The following DLG2 variants were observed in gnomAD, a reference collection of about 807,000 sequenced individuals.
DLG2 encodes discs large MAGUK scaffold protein 2, also known as disks large homolog 2.
In DLG2, 45 loss-of-function variants were observed where a neutral mutation model predicts 132.5. That is an observed-to-expected ratio of 0.34 (90% confidence interval 0.27 to 0.44). The LOEUF (loss-of-function observed/expected upper bound fraction) is 0.44. Ranked by LOEUF, DLG2 falls within the 20% of genes least tolerant of loss-of-function variation. The probability of loss-of-function intolerance (pLI) is 1.00; values close to 1 mark genes in which losing one functional copy is unlikely to be tolerated. For synonymous variants in DLG2, 424 were observed against 419.6 expected (o/e 1.01, Z -0.13); for missense variants, 1,045 against 1,196.9 (o/e 0.87, Z 1.87).
chr11:83,481,395 CTA>C (rs138568538), intron 22 of DLG2, among the ~76,000 whole-genome samples: 29,846 of 151,780 alleles, frequency 0.2, 3,086 homozygotes, highest in African/African-American at 0.22. Context: ...GAACATGTGA[CTA>C]TTTGATTTCT....
At chr11:83,682,371 A>C (rs1236651088) in intron 18 of DLG2, 63 of 985,282 alleles carry the variant, frequency 6.4e-5, no homozygotes, top group Admixed American at 6.2e-5. Flanking sequence ...GTGACCATGC[A>C]GCATTCTCGC....
chr11:84,677,410 T>A (rs1252137097), intron 6 of DLG2, among the ~76,000 whole-genome samples: 1 of 151,998 alleles, frequency 6.6e-6, no homozygotes, highest in African/African-American at 2.4e-5. Flanking sequence ...AGTGAAGACA[T>A]CATTATAAGA....
intron 6 of DLG2, among the ~76,000 whole-genome samples, chr11:84,662,905 T>C (rs1009533161): frequency 8.5e-5 from 13 of 152,196 alleles, no homozygotes; most frequent in African/African-American, 3.1e-4. Context: ...TCTAGTTTTA[T>C]TGTTAACAAA....
chr11:84,066,602 A>G (rs1413482810), intron 10 of DLG2, among the ~76,000 whole-genome samples: 1 of 152,126 alleles, frequency 6.6e-6, no homozygotes, highest in East Asian at 1.9e-4. Flanking sequence ...TGTGCTAAAA[A>G]TACAAAAAAT....
At chr11:84,313,972 C>G (rs960465403) in intron 7 of DLG2, among the ~76,000 whole-genome samples, 1 of 152,142 alleles carries the variant, frequency 6.6e-6, no homozygotes, top group Non-Finnish European at 1.5e-5. Flanking sequence ...TTGAGAGGGA[C>G]AGAAGCTGAT....
chr11:84,151,749 G>T (rs1241023311), intron 9 of DLG2, among the ~76,000 whole-genome samples: 2 of 152,086 alleles, frequency 1.3e-5, no homozygotes, highest in Non-Finnish European at 2.9e-5. Context: ...TCACAGCTCT[G>T]TTTTCATTAA....
intron 6 of DLG2, among the ~76,000 whole-genome samples, chr11:85,009,794 C>G (rs1274265005): frequency 6.6e-6 from 1 of 151,978 alleles, no homozygotes; most frequent in African/African-American, 2.4e-5. Context: ...ATAAATGCAG[C>G]AATTAGAGTT....
chr11:84,908,115 A>T (rs2091719086), intron 6 of DLG2, among the ~76,000 whole-genome samples: 2 of 152,082 alleles, frequency 1.3e-5, no homozygotes, highest in Non-Finnish European at 2.9e-5. Flanking sequence ...AGCCTCCACA[A>T]CAGCAATGTC....
intron 3 of DLG2, among the ~76,000 whole-genome samples, chr11:85,315,908 G>C (rs1050966745): frequency 6.6e-5 from 10 of 151,824 alleles, no homozygotes; most frequent in African/African-American, 2.4e-4. Context: ...CCTCTGCTCT[G>C]GAAAAAATAA....
intron 18 of DLG2, among the ~76,000 whole-genome samples, chr11:83,714,776 A>C (rs1004124677): frequency 2.6e-5 from 4 of 152,196 alleles, no homozygotes; most frequent in Non-Finnish European, 4.4e-5. Context: ...CACAGCATGC[A>C]GGTTTGTTAC....
At chr11:83,775,884 A>C (rs567267014) in intron 18 of DLG2, among the ~76,000 whole-genome samples, 1 of 152,150 alleles carries the variant, frequency 6.6e-6, no homozygotes, top group Non-Finnish European at 1.5e-5. Context: ...CAAGATCAGG[A>C]GATCGAGACC....
chr11:85,031,715 A>C (rs1458997844), intron 6 of DLG2, among the ~76,000 whole-genome samples: 2 of 152,068 alleles, frequency 1.3e-5, no homozygotes, highest in African/African-American at 2.4e-5. Context: ...TGTTTCACTA[A>C]AATAATGTAG....
chr11:83,598,284 G>A (rs535375225), intron 19 of DLG2, among the ~76,000 whole-genome samples: 7 of 152,262 alleles, frequency 4.6e-5, no homozygotes, highest in South Asian at 4.2e-4. Flanking sequence ...AGTTATCATC[G>A]TCTACTCATT....
chr11:85,535,579 T>C (rs2075526362), intron 3 of DLG2, among the ~76,000 whole-genome samples: 1 of 152,132 alleles, frequency 6.6e-6, no homozygotes, highest in Non-Finnish European at 1.5e-5. Flanking sequence ...AGTTTGGCAG[T>C]TCTCAAGAAG....
chr11:84,316,123 C>T (rs79522382), intron 7 of DLG2, among the ~76,000 whole-genome samples: 2,020 of 152,100 alleles, frequency 0.013, 41 homozygotes, highest in African/African-American at 0.044. Context: ...GCTAGAATAA[C>T]CTAGGAATCA....
At chr11:85,021,276 G>C in intron 6 of DLG2, 1 of 1,295,718 alleles carries the variant, frequency 7.7e-7, no homozygotes, top group Admixed American at 1.7e-5. Flanking sequence ...CACGTGCTGG[G>C]TGACTGTACA....
intron 3 of DLG2, among the ~76,000 whole-genome samples, chr11:85,429,413 G>A (rs1489556633): frequency 6.6e-6 from 1 of 152,064 alleles, no homozygotes; most frequent in Non-Finnish European, 1.5e-5. Flanking sequence ...TACCATCAGA[G>A]TGAACAGGAA....
At chr11:84,689,068 G>A (rs139977464) in intron 6 of DLG2, among the ~76,000 whole-genome samples, 46 of 152,170 alleles carry the variant, frequency 3.0e-4, no homozygotes, top group African/African-American at 9.9e-4. Context: ...TGTAGCAGTC[G>A]CTCAGCCAAA....
chr11:84,611,704 A>G (rs1353263976), intron 6 of DLG2, among the ~76,000 whole-genome samples: 1 of 152,142 alleles, frequency 6.6e-6, no homozygotes, highest in Non-Finnish European at 1.5e-5. Context: ...AGTGACTACA[A>G]AGATTTTTCT....
Sources: gnomAD v4.1 joint callset for allele counts (sites outside exome capture counted in the v4.1 genomes callset) on GRCh38, gnomAD v4.1.1 for gene constraint, MANE v1.5 for transcripts, NCBI Gene and HGNC (gene_info 2026-07-23, HGNC 2026-07-21) for gene names.